The following CD86 variants were observed in gnomAD, a reference collection of about 807,000 sequenced individuals.
The protein encoded by CD86 is CD86 molecule.
CD86 carries 11 observed loss-of-function variants against 32.1 expected under a neutral mutation model. The ratio of observed to expected loss-of-function variants is 0.34; its 90% CI spans 0.22 to 0.57. CD86 has a LOEUF of 0.57. Among genes scored for constraint, CD86 ranks in the 20% least tolerant of loss-of-function variants. The pLI is 0.86. For missense variants in CD86, 359 were observed against 398.4 expected (o/e 0.90, Z 0.84); for synonymous variants, 137 against 135.3 (o/e 1.01, Z -0.09).
At chr3:122,080,663 G>A (rs1220006101) in intron 1 of CD86, among the ~76,000 whole-genome samples, 2 of 152,134 alleles carry the variant, frequency 1.3e-5, no homozygotes, top group Non-Finnish European at 2.9e-5. Flanking sequence ...AACAACTCAC[G>A]AAAGAAAACA....
At chr3:122,103,956 G>T (rs1433989897) in intron 3 of CD86, 109 bp downstream of exon 3, 6 of 869,130 alleles carry the variant, frequency 6.9e-6, no homozygotes, top group Admixed American at 4.9e-5. Flanking sequence ...GAAAAGGGGG[G>T]TCTATAGAGA....
At chr3:122,078,327 A>G (rs2072583080) in intron 1 of CD86, among the ~76,000 whole-genome samples, 2 of 152,208 alleles carry the variant, frequency 1.3e-5, no homozygotes, top group Admixed American at 6.5e-5. Context: ...CACTTACCAA[A>G]TAATTGGCAG....
chr3:122,066,425 ATC>A (rs2072414262), intron 1 of CD86, among the ~76,000 whole-genome samples: 1 of 152,168 alleles, frequency 6.6e-6, no homozygotes, highest in Non-Finnish European at 1.5e-5. Flanking sequence ...GGACACTGAC[ATC>A]TCTCCAGCAT....
intron 1 of CD86, among the ~76,000 whole-genome samples, chr3:122,084,114 G>A (rs533613501): frequency 1.3e-5 from 2 of 152,238 alleles, no homozygotes; most frequent in African/African-American, 4.8e-5. Flanking sequence ...AGCCTCCTGA[G>A]TAGCTGAAAT....
chr3:122,072,576 T>C (rs1448398873), intron 1 of CD86, among the ~76,000 whole-genome samples: 2 of 152,202 alleles, frequency 1.3e-5, no homozygotes, highest in Non-Finnish European at 1.5e-5. Context: ...TTGATGGGGT[T>C]GTTTGTTTTT....
At chr3:122,078,157 G>A (rs2072580986) in intron 1 of CD86, 1 of 552,220 alleles carries the variant, frequency 1.8e-6, no homozygotes. Flanking sequence ...TGAGTAAAAG[G>A]GATTGCAGAG....
At chr3:122,085,541 C>A (rs747040670) in intron 1 of CD86, among the ~76,000 whole-genome samples, 1 of 152,124 alleles carries the variant, frequency 6.6e-6, no homozygotes, top group African/African-American at 2.4e-5. Flanking sequence ...TACTGTGTAC[C>A]GTCTAAGCCA....
At chr3:122,091,699 A>G (rs756928548) in intron 2 of CD86, 49 bp downstream of exon 2, 10 of 1,489,768 alleles carry the variant, frequency 6.7e-6, no homozygotes, top group Non-Finnish European at 7.5e-6. Flanking sequence ...CTGTCTCCTG[A>G]TGAGTCTGAC....
rs1196283496 is a variant in CD86 at position 122,120,854 on chromosome 3, C to T, written c.*1320C>T. On this transcript the variant is annotated 3_prime_UTR_variant, in exon 7 of 7. Coordinates refer to ENST00000330540, the MANE Select transcript of CD86 (RefSeq NM_175862.5). ...AAACTTGCATACAGAGACAGATATACTGGGAGAAATGACTTTGAAAACCTG... is the reference window on the plus strand; with the variant it reads ...AAACTTGCATACAGAGACAGATATATTGGGAGAAATGACTTTGAAAACCTG... The T allele has an allele frequency of 6.6e-6, 1 of 152,320 alleles. No homozygotes were observed. Among genetic ancestry groups the T allele is most frequent in the Non-Finnish European group, 1.5e-5 (1 of 68,136 alleles). The allele number at this position is 152,320 out of a possible 1,614,324, so 9.4% of individuals were successfully genotyped here.
At chr3:122,069,032 A>C (rs1279177227) in intron 1 of CD86, among the ~76,000 whole-genome samples, 1 of 152,234 alleles carries the variant, frequency 6.6e-6, no homozygotes, top group East Asian at 1.9e-4. Flanking sequence ...ACTAGCTAGA[A>C]TCTACCTCAT....
rs889960633 is a variant in CD86, at chr3:122,120,819, C to G, written c.*1285C>G. On this transcript the variant is annotated 3_prime_UTR_variant, in exon 7 of 7. Coordinates refer to ENST00000330540, the MANE Select transcript of CD86 (RefSeq NM_175862.5). The stretch of plus-strand genomic sequence containing the variant: ...GTTGGATGATTGTTTTTGCTCAAGG[C>G]AACCAGAGGAAACTTGCATACAGAG... 1 of 152,544 alleles carries G rather than the reference C, an allele frequency of 6.6e-6. No homozygotes were observed. The highest frequency in any genetic ancestry group is 1.5e-5 in the Non-Finnish European group (1 of 68,246). The allele number at this position is 152,544 out of a possible 1,614,324, so 9.4% of individuals were successfully genotyped here. A position where few individuals can be genotyped will look rare whatever the true frequency, so the allele number is the denominator to read the frequency against.
rs1029540089 is a variant in CD86, at chr3:122,055,371, C to T, written c.-119C>T. On this transcript the variant is annotated 5_prime_UTR_variant, in exon 1 of 7. Coordinates refer to ENST00000330540, the MANE Select transcript of CD86 (RefSeq NM_175862.5). ...AGCTGGGTAGGTATACAGTCATTGC[C>T]GAGGAAGGCTTGCACAGGGTGAAAG... 1.8e-4 allele frequency: 174 copies of T among 963,308 alleles called. No individual in the cohort carries two copies. The highest frequency in any genetic ancestry group is 2.8e-4 in the Non-Finnish European group (166 of 598,102). 59.7% of individuals were successfully genotyped at this position (963,308 alleles called of 1,614,324 possible).
chr3:122,092,142 C>G (rs1019569139), intron 2 of CD86: 1 of 154,582 alleles, frequency 6.5e-6, no homozygotes, highest in African/African-American at 2.4e-5. Flanking sequence ...CACTCCCTTC[C>G]CTACAGCCCA....
chr3:122,068,670 A>G (rs1321160337), intron 1 of CD86, among the ~76,000 whole-genome samples: 1 of 152,246 alleles, frequency 6.6e-6, no homozygotes, highest in Non-Finnish European at 1.5e-5. Context: ...TAATTTTTAA[A>G]TGTGCTGCTG....
chr3:122,080,887 G>A (rs148500207), intron 1 of CD86, among the ~76,000 whole-genome samples: 3 of 152,176 alleles, frequency 2.0e-5, no homozygotes, highest in East Asian at 3.9e-4. Flanking sequence ...ATGTTCCATC[G>A]AGGCAGCCCT....
intron 5 of CD86, among the ~76,000 whole-genome samples, chr3:122,112,487 T>G (rs1278007843): frequency 6.6e-6 from 1 of 152,104 alleles, no homozygotes; most frequent in African/African-American, 2.4e-5. Flanking sequence ...CAGGTAATTT[T>G]TGTATTTTCA....
chr3:122,091,602 A>G lies in CD86; in HGVS notation c.16A>G (p.Thr6Ala). The G allele has an allele frequency of 6.2e-7, 1 of 1,609,888 alleles. No individual in the cohort carries two copies. The change falls in exon 2 of 7, where the codon ACT (threonine) becomes GCT (alanine). Residue 6 changes from threonine to alanine, a missense_variant and splice_region_variant. Thr to Ala is a moderately conservative substitution (Grantham distance 58). Coordinates refer to ENST00000330540, the MANE Select transcript of CD86 (RefSeq NM_175862.5). ...TACCTTTTTTTTTCTCGACTCTAGC[A>G]CTATGGGACTGAGTAACATTCTCTT... is the stretch of plus-strand genomic sequence containing the variant. MDPQC[T>A]MGLSNILFVM...
intron 1 of CD86, among the ~76,000 whole-genome samples, chr3:122,066,063 C>T (rs570363000): frequency 6.6e-6 from 1 of 152,296 alleles, no homozygotes; most frequent in East Asian, 1.9e-4. Flanking sequence ...CAAAACCCAG[C>T]TCCTTAAATG....
intron 6 of CD86, among the ~76,000 whole-genome samples, chr3:122,118,409 C>A (rs1014597631): frequency 8.5e-5 from 13 of 152,114 alleles, no homozygotes; most frequent in Admixed American, 2.0e-4. Context: ...GGCACAGTGC[C>A]TAGATTAGTG....
Sources: gnomAD v4.1 joint callset for allele counts (sites outside exome capture counted in the v4.1 genomes callset) on GRCh38, gnomAD v4.1.1 for gene constraint, MANE v1.5 for transcripts, NCBI Gene and HGNC (gene_info 2026-07-23, HGNC 2026-07-21) for gene names.